The following SEMA6C variants were observed in gnomAD, a reference collection of about 807,000 sequenced individuals.
SEMA6C encodes the protein semaphorin-6C.
SEMA6C carries 37 observed loss-of-function variants against 72.9 expected under a neutral mutation model. That is an observed-to-expected ratio of 0.51 (90% confidence interval 0.39 to 0.67). The LOEUF is 0.67. SEMA6C is among the 30% of genes least tolerant of loss of function. The pLI is 0.00. For missense variants in SEMA6C, 1,189 were observed against 1,263.6 expected, an observed-to-expected ratio of 0.94 and a Z score of 0.89; for synonymous variants, 578 against 554.1, an observed-to-expected ratio of 1.04 and a Z score of -0.61.
Position 151,142,677 on chromosome 1 carries a change from TG to T in SEMA6C, c.-54-3del, listed in dbSNP as rs1472516745. ...TGCCCCCTCACCCATAAGCCGGCCC[TG>T]AAAGGGGAGACAGGGAAAAGTGGGG... On this transcript the variant is annotated splice_region_variant and splice_polypyrimidine_tract_variant and intron_variant, in intron 2 of 18. Coordinates refer to ENST00000368914, the MANE Select transcript of SEMA6C (RefSeq NM_030913.6). 8.3e-6 allele frequency: 12 copies of T among 1,443,750 alleles called. No individual in the cohort carries two copies. Among genetic ancestry groups the T allele is most frequent in the Non-Finnish European group, 1.1e-5 (12 of 1,092,802 alleles). 89.4% of individuals were successfully genotyped at this position (1,443,750 alleles called of 1,614,324 possible). A position where few individuals can be genotyped will look rare whatever the true frequency, so the allele number is the denominator to read the frequency against.
rs771969582 is a variant in SEMA6C, at chr1:151,132,629, A to T, written c.2648T>A (p.Leu883His). 6 of 1,550,702 alleles carry T rather than the reference A, an allele frequency of 3.9e-6. 1 individual carries two copies. The South Asian group carries it at 7.1e-5, about 18-fold the overall frequency. Residue 883 changes from leucine (L) to histidine (H), a missense_variant, in exon 19 of 19, where the codon CTC (leucine) becomes CAC (histidine). This residue lies in a region of SEMA6C where 721 missense variants were observed against 686.2 expected (regional missense o/e 1.05). Coordinates refer to ENST00000368914, the MANE Select transcript of SEMA6C (RefSeq NM_030913.6). The part of the protein sequence containing the change: ...SRYSGGPGKH[L>H]LYLGRPEGYR... ...GCCCTCGGGCCGGCCCAGGTACAGG[A>T]GGTGCTTCCCGGGACCCCCGGAGTA...
chr1:151,138,230 A>G, intron 8 of SEMA6C, 86 bp downstream of exon 8: 1 of 1,582,932 alleles, frequency 6.3e-7, no homozygotes. Flanking sequence ...CACTCAGGGG[A>G]ATGGGGGAAA....
At position 151,133,025 on chromosome 1, in the gene SEMA6C, C is replaced by T. The variant is rs1681693735; in HGVS notation, c.2252G>A (p.Arg751Lys). 3 of 1,399,036 alleles carry T rather than the reference C, an allele frequency of 2.1e-6. No homozygotes were observed. Among genetic ancestry groups the T allele is most frequent in the African/African-American group, 3.1e-5 (2 of 64,272 alleles). 86.7% of individuals were successfully genotyped at this position (1,399,036 alleles called of 1,614,324 possible). Residue 751 changes from arginine to lysine, a missense_variant, in exon 19 of 19, where the codon AGG (arginine) becomes AAG (lysine). This residue lies in a region of SEMA6C where 721 missense variants were observed against 686.2 expected (regional missense o/e 1.05). Transcript: ENST00000368914. The surrounding 1 kb of genome is among the most constrained non-coding windows in gnomAD (Gnocchi z 5.9). ...CCCGGGACAGCCGGGCGGCGGTGGCCTCACCAGCACGCGGGGCGCGGGCCC... is the reference window on the plus strand; with the variant it reads ...CCCGGGACAGCCGGGCGGCGGTGGCTTCACCAGCACGCGGGGCGCGGGCCC... ...AGGPAPRVLVRPPPPGCPGQA... is the reference protein window; with the variant it reads ...AGGPAPRVLVKPPPPGCPGQA...
intron 12 of SEMA6C, 70 bp from the exon 13 acceptor site, chr1:151,136,233 A>G (rs982128392): frequency 5.9e-5 from 93 of 1,584,346 alleles, no homozygotes; most frequent in Non-Finnish European, 7.5e-5. Flanking sequence ...TGTGCCCCCT[A>G]CTGCTCCCAA....
rs75185260 is a variant in SEMA6C at position 151,140,007 on chromosome 1, T to C, written c.202A>G (p.Thr68Ala). Residue 68 changes from threonine to alanine, a missense_variant, in exon 4 of 19, where the codon ACC becomes GCC. Physicochemically the swap from Thr to Ala is moderately conservative, Grantham distance 58. This residue lies in a region of SEMA6C where 468 missense variants were observed against 577.4 expected (regional missense o/e 0.81). Transcript: ENST00000368914. ...GCCACTAGCAAGGTCCGGTTCAAGG[T>C]CAGGAATCTCTGAAAGTCCAGCCCA... The part of the protein sequence containing the change: ...ELGLDFQRFL[T>A]LNRTLLVAAR... 0.03 allele frequency: 48,086 copies of C among 1,613,950 alleles called. 1,208 individuals carry two copies. Among genetic ancestry groups the C allele is most frequent in the African/African-American group, 0.1 (7,711 of 74,960 alleles).
At position 151,134,888 on chromosome 1, in the gene SEMA6C, G is replaced by C. The variant is rs761312011; in HGVS notation, c.1581-13C>G. 3 of 1,610,088 alleles carry C rather than the reference G, an allele frequency of 1.9e-6. No homozygotes were observed. The African/African-American group carries it at 4.0e-5, about 22-fold the overall frequency. ...AGCCAAACAGCTCCTAGGGAAAACG[G>C]AGGTGTGTGAGGCTGGATCCCTTTC... On this transcript the variant is annotated splice_polypyrimidine_tract_variant and intron_variant, in intron 15 of 18. Coordinates refer to ENST00000368914, the MANE Select transcript of SEMA6C (RefSeq NM_030913.6).
At chr1:151,134,988 G>A in intron 15 of SEMA6C, 113 bp from the exon 16 acceptor site, 1 of 1,318,596 alleles carries the variant, frequency 7.6e-7, no homozygotes, top group South Asian at 1.2e-5. Flanking sequence ...ATTCTCTCCT[G>A]TCCACCTCAG....
At position 151,135,177 on chromosome 1, in the gene SEMA6C, A is replaced by G. The variant is rs1681914730; in HGVS notation, c.1566T>C (p.His522=). ...VYLPLSRCAR[H]GACQRSCLAS... Reference sequence around the variant, plus strand: ...GCCCCTCTCACCTCTGACAGGCCCCATGCCGGGCACACCGGCTGAGAGGGA... The same window carrying G: ...GCCCCTCTCACCTCTGACAGGCCCCGTGCCGGGCACACCGGCTGAGAGGGA... Residue 522 remains histidine, a synonymous_variant, in exon 15 of 19, where the codon CAT becomes CAC. Transcript: ENST00000368914. 1.9e-6 allele frequency: 3 copies of G among 1,613,846 alleles called. No individual in the cohort carries two copies. Among genetic ancestry groups the G allele is most frequent in the South Asian group, 2.2e-5 (2 of 91,074 alleles).
chr1:151,134,498 A>G, intron 17 of SEMA6C, 53 bp from the exon 18 acceptor site: 1 of 1,606,400 alleles, frequency 6.2e-7, no homozygotes, highest in South Asian at 1.1e-5. Flanking sequence ...TTCATGAAGA[A>G]CTGATGGGGT....
intron 10 of SEMA6C, 141 bp downstream of exon 10, chr1:151,137,570 G>A: frequency 2.9e-6 from 2 of 697,332 alleles, no homozygotes; most frequent in Non-Finnish European, 4.9e-6. Flanking sequence ...CAGAGGGCTT[G>A]GGGCTATTCC....
intron 7 of SEMA6C, 86 bp downstream of exon 7, chr1:151,138,544 C>A: frequency 1.4e-6 from 2 of 1,470,886 alleles, no homozygotes; most frequent in Middle Eastern, 3.5e-4. Flanking sequence ...TCCCCAACCG[C>A]AGTCCTTGGT....
At position 151,133,494 on chromosome 1, in the gene SEMA6C, C is replaced by G. The variant is rs1326390846; in HGVS notation, c.1783G>C (p.Ala595Pro). The change falls in exon 19 of 19, where the codon GCC (alanine) becomes CCC (proline). Residue 595 changes from alanine to proline, a missense_variant. Physicochemically the swap from Ala to Pro is conservative, Grantham distance 27 (BLOSUM62 -1). Coordinates refer to ENST00000368914, the MANE Select transcript of SEMA6C (RefSeq NM_030913.6). This position sits in a 1 kb window ranked among gnomAD's most constrained non-coding sequence, Gnocchi z 5.9. Reference protein sequence around the residue: ...AYGVRRDLPPASASRSVPIPL... With the variant: ...AYGVRRDLPPPSASRSVPIPL... ...ATGGGGACGGAGCGGGAGGCCGAGG[C>G]TGGGGGCAGGTCCCGGCGCACGCCT... 2 of 1,530,882 alleles carry G rather than the reference C, an allele frequency of 1.3e-6. No individual in the cohort carries two copies. Among genetic ancestry groups the G allele is most frequent in the Admixed American group, 2.0e-5 (1 of 50,946 alleles). 94.8% of individuals were successfully genotyped at this position (1,530,882 alleles called of 1,614,324 possible).
chr1:151,137,721 C>A lies in SEMA6C; in HGVS notation c.746G>T (p.Arg249Leu), dbSNP rs769914081. The change falls in exon 10 of 19, where the codon CGG becomes CTG. Residue 249 changes from arginine (R) to leucine (L), a missense_variant. By Grantham distance (102) the Arg-to-Leu change is moderately radical (BLOSUM62 -2). Coordinates refer to ENST00000368914, the MANE Select transcript of SEMA6C (RefSeq NM_030913.6). Reference protein sequence around the residue: ...FFREVSVEDARLGRVQFSRVA... With the variant: ...FFREVSVEDALLGRVQFSRVA... ...TGCCCACCTCCTTACCCTCCCCAGC[C>A]GAGCATCCTCCACAGAGACCTCGCG... The A allele has an allele frequency of 5.6e-6, 9 of 1,612,590 alleles. No individual in the cohort carries two copies. The highest frequency in any genetic ancestry group is 7.6e-6 in the Non-Finnish European group (9 of 1,178,828).
rs771824629 is a variant in SEMA6C, at chr1:151,138,722, A to T, written c.364T>A (p.Tyr122Asn). Residue 122 changes from tyrosine to asparagine, a missense_variant, in exon 7 of 19, where the codon TAC becomes AAC. Physicochemically the swap from Tyr to Asn is moderately radical, Grantham distance 143. Around this residue, in one of 2 missense-constraint regions of SEMA6C, gnomAD observed 468 missense variants for 577.4 expected, o/e 0.81. Coordinates refer to ENST00000368914, the MANE Select transcript of SEMA6C (RefSeq NM_030913.6). ...AVRGKLTDEC[Y>N]NYIRVLVPWD... ...GGAACAAGAACACGAATATAGTTGT[A>T]GCACTCATCCTAGAGAACCCAAAAT... The T allele has an allele frequency of 2.5e-5, 41 of 1,613,968 alleles. No homozygotes were observed. Among genetic ancestry groups the T allele is most frequent in the Non-Finnish European group, 3.5e-5 (41 of 1,179,818 alleles).
At chr1:151,136,836 A>C in intron 11 of SEMA6C, 21 bp downstream of exon 11, 1 of 1,603,788 alleles carries the variant, frequency 6.2e-7, no homozygotes, top group Non-Finnish European at 8.5e-7. Context: ...ATTGGGTCAC[A>C]CTAGTCAGCC....
At chr1:151,140,837 ACAAAAACAAAATTAGC>A (rs1358653338) in intron 3 of SEMA6C, among the ~76,000 whole-genome samples, 1 of 152,210 alleles carries the variant, frequency 6.6e-6, no homozygotes, top group Non-Finnish European at 1.5e-5. Context: ...TACTAAAAAT[ACAAAAACAAAATTAGC>A]CAGGCGTGGT....
chr1:151,134,512 TG>T lies in SEMA6C; in HGVS notation c.1715-68del, dbSNP rs1439597058. On this transcript the variant is annotated intron_variant, in intron 17 of 18. Transcript: ENST00000368914. ...CTTCATGAAGAACTGATGGGGTGAC[TG>T]TGCCACAGAAGGAGAGAAGGACAAA... 2.5e-6 allele frequency: 4 copies of T among 1,604,278 alleles called. No individual in the cohort carries two copies. In the African/African-American group the frequency reaches 5.4e-5, roughly 21 times the overall value.
Position 151,133,568 on chromosome 1 carries a change from GGTACCTAGGCC to G in SEMA6C, c.1760-62_1760-52del. ...GCTCAGCCAAGGGGAGGCGGTGCGG[GGTACCTAGGCC>G]CAGAGGCGCCGGCAGTTCCCAGGCC... On this transcript the variant is annotated intron_variant, in intron 18 of 18. Transcript: ENST00000368914. This position sits in a 1 kb window ranked among gnomAD's most constrained non-coding sequence, Gnocchi z 5.9. The G allele has an allele frequency of 6.9e-7, 1 of 1,452,666 alleles. No individual in the cohort carries two copies. Among genetic ancestry groups the G allele is most frequent in the Non-Finnish European group, 9.0e-7 (1 of 1,106,914 alleles). 90.0% of individuals were successfully genotyped at this position (1,452,666 alleles called of 1,614,324 possible). A position where few individuals can be genotyped will look rare whatever the true frequency, so the allele number is the denominator to read the frequency against.
At chr1:151,136,308 G>C (rs112924662) in intron 12 of SEMA6C, 140 bp downstream of exon 12, 2 of 1,462,944 alleles carry the variant, frequency 1.4e-6, no homozygotes, top group African/African-American at 1.4e-5. Flanking sequence ...CTTCCCTGCC[G>C]CAGCTCTTCG....
Sources: allele counts gnomAD v4.1 joint callset (sites outside exome capture counted in the v4.1 genomes callset), GRCh38; gene constraint gnomAD v4.1.1; regional missense constraint gnomAD v4.1.1; non-coding constraint Gnocchi (gnomAD v3.1); transcripts MANE v1.5; gene names NCBI Gene and HGNC (gene_info 2026-07-23, HGNC 2026-07-21).